Variants in ZNF804B observed in about 807,000 individuals in gnomAD.
ZNF804B encodes zinc finger protein 804B.
Under a neutral mutation model 101.4 loss-of-function variants are expected in ZNF804B, and 80 were observed. The ratio of observed to expected loss-of-function variants is 0.79; its 90% CI spans 0.66 to 0.95. The LOEUF (loss-of-function observed/expected upper bound fraction) is 0.95, where lower values mean the gene tolerates loss of function less well. Ranked by LOEUF, ZNF804B falls within the 40% of genes least tolerant of loss-of-function variation. ZNF804B has a pLI of 0.00. For synonymous variants in ZNF804B, 622 were observed against 558.8 expected, an observed-to-expected ratio of 1.11 and a Z score of -1.59; for missense variants, 1,673 against 1,561.9, an observed-to-expected ratio of 1.07 and a Z score of -1.20.
rs572989562 is a variant in ZNF804B at position 89,333,608 on chromosome 7, A to G, written c.626A>G (p.Asp209Gly). 1.2e-6 allele frequency: 2 copies of G among 1,613,616 alleles called. No individual in the cohort carries two copies. The highest frequency in any genetic ancestry group is 1.3e-5 in the African/African-American group (1 of 75,006). ...AATCAGGTACTGCAAACATCTTCAGATCTCAGCAATGCAAATCACAGAACA... is the reference window on the plus strand; with the variant it reads ...AATCAGGTACTGCAAACATCTTCAGGTCTCAGCAATGCAAATCACAGAACA... ...FGNQVLQTSS[D>G]LSNANHRTGV... The change falls in exon 4 of 4, where the codon GAT (aspartate) becomes GGT (glycine). Residue 209 changes from aspartate (D) to glycine (G), a missense_variant. Coordinates refer to ENST00000333190, the MANE Select transcript of ZNF804B (RefSeq NM_181646.5).
intron 1 of ZNF804B, among the ~76,000 whole-genome samples, chr7:89,210,438 A>C (rs1482544111): frequency 1.3e-5 from 2 of 152,120 alleles, no homozygotes; most frequent in African/African-American, 4.8e-5. Context: ...CTATTAACCC[A>C]TCACCTAGGT....
chr7:88,845,481 T>C (rs1025782285), intron 1 of ZNF804B, among the ~76,000 whole-genome samples: 2 of 152,138 alleles, frequency 1.3e-5, no homozygotes, highest in African/African-American at 4.8e-5. Flanking sequence ...TGGGTAACCA[T>C]GTATGCTTTG....
intron 1 of ZNF804B, among the ~76,000 whole-genome samples, chr7:88,839,730 AACCGAGAGCAGGTTCTTC>A (rs375719809): frequency 0.026 from 3,922 of 152,064 alleles, 129 homozygotes; most frequent in African/African-American, 0.072. Flanking sequence ...TTAGCAGTTT[AACCGAGAGCAGGTTCTTC>A]ACCGAGAGCA....
rs201874036 is a variant in ZNF804B, at chr7:89,308,198, C to CA, written c.250-19141dup. On this transcript the variant is annotated intron_variant, in intron 2 of 3. Coordinates refer to ENST00000333190, the MANE Select transcript of ZNF804B (RefSeq NM_181646.5). ...TTGTTTGTTCTGCAGTACCTTCATGCAAAAATAGGTAAGGCATTAGAAAAG... is the reference window on the plus strand; with the variant it reads ...TTGTTTGTTCTGCAGTACCTTCATGCAAAAAATAGGTAAGGCATTAGAAAAG... 5.5e-3 allele frequency among the ~76,000 whole-genome samples: 833 copies of CA among 152,140 alleles called. 10 individuals carry two copies. Among genetic ancestry groups the CA allele is most frequent in the African/African-American group, 0.019 (789 of 41,518 alleles).
At chr7:89,274,409 T>C (rs1401470806) in intron 2 of ZNF804B, among the ~76,000 whole-genome samples, 1 of 138,790 alleles carries the variant, frequency 7.2e-6, no homozygotes, top group Admixed American at 7.5e-5. Context: ...GAATATGCGG[T>C]GTTTGGTTTT....
chr7:88,981,480 C>CA (rs904417378), intron 1 of ZNF804B, among the ~76,000 whole-genome samples: 10 of 152,040 alleles, frequency 6.6e-5, no homozygotes, highest in Admixed American at 4.6e-4. Context: ...AAGAGTAACA[C>CA]AGCACTCCCT....
chr7:89,329,549 G>A (rs1045183564), intron 3 of ZNF804B, among the ~76,000 whole-genome samples: 1 of 151,584 alleles, frequency 6.6e-6, no homozygotes, highest in Admixed American at 6.6e-5. Context: ...GAGAAGAGAG[G>A]TGAATTTACT....
intron 1 of ZNF804B, among the ~76,000 whole-genome samples, chr7:88,868,320 G>T (rs892561494): frequency 6.6e-6 from 1 of 151,926 alleles, no homozygotes; most frequent in Non-Finnish European, 1.5e-5. Context: ...GAACCAACTG[G>T]GCTATGTATA....
chr7:88,794,776 A>G, intron 1 of ZNF804B: 1 of 1,613,726 alleles, frequency 6.2e-7, no homozygotes, highest in Non-Finnish European at 8.5e-7. Flanking sequence ...ATTTGCTTGT[A>G]TCTTGGCCAC....
intron 1 of ZNF804B, among the ~76,000 whole-genome samples, chr7:88,817,957 G>C (rs1790912129): frequency 6.6e-6 from 1 of 152,092 alleles, no homozygotes. Flanking sequence ...CTGCAGCCCA[G>C]CATTCCTTTT....
chr7:88,921,476 A>G (rs761462294), intron 1 of ZNF804B, among the ~76,000 whole-genome samples: 8 of 152,116 alleles, frequency 5.3e-5, no homozygotes, highest in African/African-American at 4.8e-5. Flanking sequence ...AAACATTTCT[A>G]TTGTATGTAC....
intron 2 of ZNF804B, among the ~76,000 whole-genome samples, chr7:89,258,840 G>A (rs1007322170): frequency 1.3e-5 from 2 of 152,192 alleles, no homozygotes; most frequent in Admixed American, 1.3e-4. Context: ...TCATTATAAA[G>A]GTTTTCATCT....
intron 1 of ZNF804B, among the ~76,000 whole-genome samples, chr7:88,892,769 C>T (rs753791183): frequency 6.6e-6 from 1 of 152,062 alleles, no homozygotes; most frequent in East Asian, 1.9e-4. Flanking sequence ...CTGGTCACTT[C>T]GTTCCTGGAA....
chr7:88,865,685 G>A (rs896105722), intron 1 of ZNF804B, among the ~76,000 whole-genome samples: 1 of 151,988 alleles, frequency 6.6e-6, no homozygotes, highest in Non-Finnish European at 1.5e-5. Flanking sequence ...CCTCACCCTT[G>A]ACACACCATG....
At chr7:89,014,860 T>C (rs931722443) in intron 1 of ZNF804B, among the ~76,000 whole-genome samples, 4 of 152,204 alleles carry the variant, frequency 2.6e-5, no homozygotes, top group Non-Finnish European at 5.9e-5. Context: ...TTGCTTGATA[T>C]AATCACACTT....
chr7:89,196,687 C>A (rs536162109), intron 1 of ZNF804B, among the ~76,000 whole-genome samples: 3 of 152,154 alleles, frequency 2.0e-5, no homozygotes, highest in South Asian at 4.1e-4. Flanking sequence ...AGTGAACAGA[C>A]AACCTACAAA....
chr7:89,309,780 A>G (rs1407299380), intron 2 of ZNF804B, among the ~76,000 whole-genome samples: 5 of 67,732 alleles, frequency 7.4e-5, no homozygotes, highest in Non-Finnish European at 2.0e-4. Context: ...AAAAAAAAAA[A>G]AAAAAAAAAA....
chr7:89,327,403 A>G lies in ZNF804B; in HGVS notation c.309A>G (p.Lys103=), dbSNP rs754644512. ...GAAATGTAGCTTCTAAGTCATGGAA[A>G]GATGAGAAAAAACAAGAAAAAGCAC... ...FARNVASKSW[K]DEKKQEKALK... The change falls in exon 3 of 4, where the codon AAA becomes AAG. Residue 103 remains lysine, a synonymous_variant. Coordinates refer to ENST00000333190, the MANE Select transcript of ZNF804B (RefSeq NM_181646.5). 3.7e-6 allele frequency: 6 copies of G among 1,611,654 alleles called. No individual in the cohort carries two copies. In the East Asian group the frequency reaches 1.3e-4, roughly 36 times the overall value.
At chr7:89,259,881 G>A (rs71557040) in intron 2 of ZNF804B, among the ~76,000 whole-genome samples, 490 of 152,250 alleles carry the variant, frequency 3.2e-3, no homozygotes, top group Admixed American at 4.9e-3. Flanking sequence ...TCGGGAGCCT[G>A]AGACAGGAGA....
Sources: gnomAD v4.1 joint callset for allele counts (sites outside exome capture counted in the v4.1 genomes callset) on GRCh38, gnomAD v4.1.1 for gene constraint, MANE v1.5 for transcripts, NCBI Gene and HGNC (gene_info 2026-07-23, HGNC 2026-07-21) for gene names.